SMOC2: variants seen among roughly 807,000 people sequenced by gnomAD.
SMOC2 encodes SPARC related modular calcium binding 2.
A neutral mutation model predicts 61.4 loss-of-function variants in SMOC2; 39 were observed. That is an observed-to-expected ratio of 0.64 (90% CI 0.49 to 0.83). The LOEUF (loss-of-function observed/expected upper bound fraction) is 0.83, where lower values mean the gene tolerates loss of function less well. SMOC2 is among the 40% of genes least tolerant of loss of function. The pLI is 0.00. For synonymous variants in SMOC2, 247 were observed against 239.9 expected (o/e 1.03, Z -0.27); for missense variants, 556 against 592.9 (o/e 0.94, Z 0.65).
intron 2 of SMOC2, among the ~76,000 whole-genome samples, chr6:168,516,660 T>C (rs1254705661): frequency 6.6e-6 from 1 of 152,056 alleles, no homozygotes; most frequent in Non-Finnish European, 1.5e-5. Context: ...AGTCCACAGG[T>C]ATCACAATCA....
In SMOC2 at chr6:168,452,570, T is replaced by C. The variant is rs1284618932; in HGVS notation, c.84+11116T>C. ...TCAGACATGTGATTTTCATGAGGGA[T>C]TTTAACCCAAAAGAACAATAAGTGC... On this transcript the variant is annotated intron_variant, in intron 1 of 12. Coordinates refer to ENST00000356284, the MANE Select transcript of SMOC2 (RefSeq NM_001166412.2). The surrounding 1 kb of genome is among the most constrained non-coding windows in gnomAD (Gnocchi z 5.0). 6.6e-6 allele frequency among the ~76,000 whole-genome samples: 1 copy of C among 152,212 alleles called. No individual in the cohort carries two copies. Among genetic ancestry groups the C allele is most frequent in the Non-Finnish European group, 1.5e-5 (1 of 68,040 alleles).
chr6:168,663,263 A>G (rs1304733959), intron 11 of SMOC2, among the ~76,000 whole-genome samples: 1 of 152,186 alleles, frequency 6.6e-6, no homozygotes, highest in Non-Finnish European at 1.5e-5. Context: ...CTTTCCCAGG[A>G]AGCTCCGCTG....
At chr6:168,563,723 C>A in intron 7 of SMOC2, among the ~76,000 whole-genome samples, 1 of 152,160 alleles carries the variant, frequency 6.6e-6, no homozygotes, top group Non-Finnish European at 1.5e-5. Context: ...GGGAATGGGT[C>A]CCCAGCAGAC....
chr6:168,629,956 G>A (rs1200341353), intron 9 of SMOC2, among the ~76,000 whole-genome samples: 2 of 152,186 alleles, frequency 1.3e-5, no homozygotes, highest in Non-Finnish European at 2.9e-5. Context: ...GTGGCTTGGT[G>A]GAGGCCATCC....
intron 1 of SMOC2, among the ~76,000 whole-genome samples, chr6:168,459,916 C>T (rs961587481): frequency 1.1e-4 from 16 of 152,186 alleles, no homozygotes; most frequent in East Asian, 1.9e-4. Context: ...GTGTGGTTGA[C>T]GCTGGCCCGA....
chr6:168,615,088 C>T (rs1425338254), intron 9 of SMOC2, among the ~76,000 whole-genome samples: 16 of 90,016 alleles, frequency 1.8e-4, no homozygotes, highest in African/African-American at 7.3e-4. Context: ...CGGCACAGGG[C>T]CTCTTCACAC....
Position 168,544,926 on chromosome 6 carries a change from G to A in SMOC2, c.511+1254G>A, listed in dbSNP as rs1783955252. Among the ~76,000 whole-genome samples, 1 of 152,140 alleles carries A rather than the reference G, an allele frequency of 6.6e-6. No homozygotes were observed. Among genetic ancestry groups the A allele is most frequent in the African/African-American group, 2.4e-5 (1 of 41,432 alleles). On this transcript the variant is annotated intron_variant, in intron 5 of 12. Coordinates refer to ENST00000356284, the MANE Select transcript of SMOC2 (RefSeq NM_001166412.2). The surrounding 1 kb of genome is among the most constrained non-coding windows in gnomAD (Gnocchi z 4.1). Reference sequence around the variant, plus strand: ...CTGGAAGGGGAAATATGTAACAGGTGTGAGCTGGAACAGAAGAAGCCTCAC... The same window carrying A: ...CTGGAAGGGGAAATATGTAACAGGTATGAGCTGGAACAGAAGAAGCCTCAC...
intron 11 of SMOC2, chr6:168,655,408 A>C (rs1164835234): frequency 2.2e-6 from 1 of 456,502 alleles, no homozygotes; most frequent in Non-Finnish European, 4.4e-6. Flanking sequence ...AGTAAGAGAA[A>C]CCTGTGATGG....
chr6:168,517,565 C>G (rs1335562227), intron 2 of SMOC2, among the ~76,000 whole-genome samples: 1 of 152,240 alleles, frequency 6.6e-6, no homozygotes, highest in African/African-American at 2.4e-5. Context: ...AGGCCAGGCG[C>G]TGCCTAAGAA....
chr6:168,514,071 T>G (rs190438400), intron 2 of SMOC2, among the ~76,000 whole-genome samples: 7 of 152,332 alleles, frequency 4.6e-5, no homozygotes, highest in Non-Finnish European at 7.4e-5. Flanking sequence ...CAGAGCCCAG[T>G]GGTGCCTACT....
intron 4 of SMOC2, among the ~76,000 whole-genome samples, chr6:168,537,510 A>C (rs1783759972): frequency 6.6e-6 from 1 of 152,150 alleles, no homozygotes; most frequent in Non-Finnish European, 1.5e-5. Context: ...CTGTGAGAAG[A>C]CTTGCTTAGC....
intron 1 of SMOC2, among the ~76,000 whole-genome samples, chr6:168,457,899 G>A (rs1781624768): frequency 6.6e-6 from 1 of 152,014 alleles, no homozygotes; most frequent in Non-Finnish European, 1.5e-5. Context: ...CAAGGTGGGG[G>A]GCCCTTGCAG....
Position 168,441,416 on chromosome 6 carries a change from C to CT in SMOC2, c.47dup (p.Pro18AlafsTer19). 6.6e-7 allele frequency: 1 copy of CT among 1,509,606 alleles called. No homozygotes were observed. Among genetic ancestry groups the CT allele is most frequent in the Non-Finnish European group, 8.8e-7 (1 of 1,133,534 alleles). The allele number at this position is 1,509,606 out of a possible 1,614,324, so 93.5% of individuals were successfully genotyped here. A position where few individuals can be genotyped will look rare whatever the true frequency, so the allele number is the denominator to read the frequency against. ...CTGGCTGCCGCTGCTCGCTGGGCTG[C>CT]TCCCGCCGGTGCCCGCTCAGAAGTT... On this transcript the variant is annotated frameshift_variant, in exon 1 of 13. Coordinates refer to ENST00000356284, the MANE Select transcript of SMOC2 (RefSeq NM_001166412.2). LOFTEE classifies it high-confidence loss of function.
rs1040780021 is a variant in SMOC2, at chr6:168,599,031, G to A, written c.824+27G>A. 11 of 1,535,828 alleles carry A rather than the reference G, an allele frequency of 7.2e-6. No homozygotes were observed. The East Asian group carries it at 7.3e-5, about 10-fold the overall frequency. ...TAAATAGGGTGCACCCACCCCCCCCGGGACCATGGGAGGCTTTGGGGTGTG... is the reference window on the plus strand; with the variant it reads ...TAAATAGGGTGCACCCACCCCCCCCAGGACCATGGGAGGCTTTGGGGTGTG... On this transcript the variant is annotated intron_variant, in intron 8 of 12. Transcript: ENST00000356284.
At chr6:168,569,542 G>A (rs980682771) in intron 7 of SMOC2, among the ~76,000 whole-genome samples, 3 of 152,130 alleles carry the variant, frequency 2.0e-5, no homozygotes, top group Admixed American at 6.5e-5. Flanking sequence ...CTGGACTCAA[G>A]CCATCATCCT....
In SMOC2 at chr6:168,499,521, G is replaced by T. The variant is rs192458368; in HGVS notation, c.85-10394G>T. On this transcript the variant is annotated intron_variant, in intron 1 of 12. Transcript: ENST00000356284. ...AGCTATGAAGTGTGCGGCAGATGGG[G>T]CAGTGATGAGAGTCAAACCTTCAGG... Among the ~76,000 whole-genome samples, 51 of 152,294 alleles carry T rather than the reference G, an allele frequency of 3.3e-4. No individual in the cohort carries two copies. In the East Asian group the frequency reaches 5.4e-3, roughly 16 times the overall value.
intron 7 of SMOC2, among the ~76,000 whole-genome samples, chr6:168,575,810 C>T (rs1004948612): frequency 5.9e-5 from 9 of 152,196 alleles, no homozygotes; most frequent in African/African-American, 1.9e-4. Flanking sequence ...CAGACTGTCT[C>T]GGCTCTGCGG....
Position 168,500,255 on chromosome 6 carries a change from C to T in SMOC2, c.85-9660C>T, listed in dbSNP as rs376734586. On this transcript the variant is annotated intron_variant, in intron 1 of 12. Coordinates refer to ENST00000356284, the MANE Select transcript of SMOC2 (RefSeq NM_001166412.2). The stretch of plus-strand genomic sequence containing the variant: ...CGAGCCCAGATCGCCCCACTGCACT[C>T]CAGCCCGGATGACAGAGTGAAACTC... 3.4e-4 allele frequency among the ~76,000 whole-genome samples: 50 copies of T among 145,240 alleles called. No homozygotes were observed. In the East Asian group the frequency reaches 5.3e-3, roughly 15 times the overall value.
Position 168,569,659 on chromosome 6 carries a change from G to T in SMOC2, c.637+20456G>T, listed in dbSNP as rs1182317363. On this transcript the variant is annotated intron_variant, in intron 7 of 12. Transcript: ENST00000356284. ...GGGTTTGGCCATGTTGCCCAGGGTG[G>T]TCCCCAACTCCTTAGCTCAAGCTAT... Among the ~76,000 whole-genome samples the T allele has an allele frequency of 2.0e-5, 3 of 152,164 alleles. No homozygotes were observed. The East Asian group carries it at 5.8e-4, about 29-fold the overall frequency.
Sources: gnomAD v4.1 joint callset for allele counts (sites outside exome capture counted in the v4.1 genomes callset) on GRCh38, gnomAD v4.1.1 for gene constraint, Gnocchi (gnomAD v3.1) non-coding constraint, MANE v1.5 for transcripts, NCBI Gene and HGNC (gene_info 2026-07-23, HGNC 2026-07-21) for gene names.